Variants in DENND1A observed in about 807,000 individuals in gnomAD.
DENND1A encodes the protein DENN domain containing 1A, also known as DENN domain-containing protein 1A.
In DENND1A, 51 loss-of-function variants were observed where a neutral mutation model predicts 113.7. The ratio of observed to expected loss-of-function variants is 0.45; its 90% confidence interval spans 0.36 to 0.57. DENND1A has a LOEUF of 0.57. Ranked by LOEUF, DENND1A falls within the 20% of genes least tolerant of loss-of-function variation. The probability of loss-of-function intolerance (pLI) is 0.00; values close to 1 mark genes in which losing one functional copy is unlikely to be tolerated. For synonymous variants in DENND1A, 565 were observed against 570.8 expected (o/e 0.99, Z 0.14); for missense variants, 1,258 against 1,395.9 (o/e 0.90, Z 1.57).
At chr9:123,828,974 A>C (rs1443475579) in intron 2 of DENND1A, among the ~76,000 whole-genome samples, 1 of 152,210 alleles carries the variant, frequency 6.6e-6, no homozygotes, top group Non-Finnish European at 1.5e-5. Context: ...ACTGAAATAA[A>C]GAAAAAGTTC....
chr9:123,386,011 C>G (rs2042542682), intron 22 of DENND1A, among the ~76,000 whole-genome samples: 1 of 152,174 alleles, frequency 6.6e-6, no homozygotes, highest in African/African-American at 2.4e-5. Flanking sequence ...AGGTCATGGG[C>G]TAAGGAAGCG....
chr9:123,798,901 A>C (rs1374218997), intron 2 of DENND1A, among the ~76,000 whole-genome samples: 2 of 152,156 alleles, frequency 1.3e-5, no homozygotes, highest in Non-Finnish European at 2.9e-5. Flanking sequence ...AAATTGATAG[A>C]TAATTATAGA....
intron 5 of DENND1A, among the ~76,000 whole-genome samples, chr9:123,707,282 T>C (rs1271897758): frequency 6.6e-6 from 1 of 151,848 alleles, no homozygotes; most frequent in African/African-American, 2.4e-5. Flanking sequence ...TAATCCCAGC[T>C]ACTCGCGAGG....
At chr9:123,851,263 T>C (rs1331037009) in intron 2 of DENND1A, among the ~76,000 whole-genome samples, 1 of 152,254 alleles carries the variant, frequency 6.6e-6, no homozygotes, top group Non-Finnish European at 1.5e-5. Context: ...TAGGCTTTTA[T>C]ATAAATGGAA....
intron 13 of DENND1A, among the ~76,000 whole-genome samples, chr9:123,526,113 C>T (rs2054817307): frequency 6.6e-6 from 1 of 151,986 alleles, no homozygotes; most frequent in Admixed American, 6.6e-5. Context: ...GACCCTTCTC[C>T]CTCTATGCCA....
At chr9:123,916,866 T>A (rs1312434857) in intron 1 of DENND1A, among the ~76,000 whole-genome samples, 1 of 152,068 alleles carries the variant, frequency 6.6e-6, no homozygotes, top group African/African-American at 2.4e-5. Context: ...TAAACAGTAA[T>A]TCCAACAGAT....
chr9:123,680,000 T>C (rs966297041), intron 5 of DENND1A, among the ~76,000 whole-genome samples: 2 of 152,106 alleles, frequency 1.3e-5, no homozygotes, highest in African/African-American at 4.8e-5. Flanking sequence ...AGGGTCCTCC[T>C]GCACTCAAGA....
At chr9:123,662,809 A>G (rs2063310825) in intron 8 of DENND1A, among the ~76,000 whole-genome samples, 1 of 152,202 alleles carries the variant, frequency 6.6e-6, no homozygotes, top group Non-Finnish European at 1.5e-5. Context: ...TAATGTAAAA[A>G]TTTTCTAAAG....
At chr9:123,626,861 G>A (rs2061244741) in intron 10 of DENND1A, among the ~76,000 whole-genome samples, 1 of 152,176 alleles carries the variant, frequency 6.6e-6, no homozygotes, top group African/African-American at 2.4e-5. Context: ...ATGGGTCCCA[G>A]AGAACCCTCA....
At chr9:123,839,494 G>A (rs1241087198) in intron 2 of DENND1A, among the ~76,000 whole-genome samples, 3 of 152,142 alleles carry the variant, frequency 2.0e-5, no homozygotes, top group Admixed American at 1.3e-4. Flanking sequence ...GATGTTAGAT[G>A]GGGCATTCTC....
chr9:123,686,842 C>T (rs1260692985), intron 5 of DENND1A, among the ~76,000 whole-genome samples: 1 of 152,036 alleles, frequency 6.6e-6, no homozygotes, highest in Non-Finnish European at 1.5e-5. Flanking sequence ...CTTATGGTGA[C>T]AATTAAGGAA....
chr9:123,510,149 A>G (rs1209189236), intron 13 of DENND1A, among the ~76,000 whole-genome samples: 1 of 152,210 alleles, frequency 6.6e-6, no homozygotes, highest in Non-Finnish European at 1.5e-5. Context: ...AGCCCAGGAA[A>G]ACACAGTCGC....
intron 10 of DENND1A, among the ~76,000 whole-genome samples, chr9:123,616,209 C>T (rs926537337): frequency 4.6e-5 from 7 of 152,280 alleles, no homozygotes; most frequent in South Asian, 2.1e-4. Context: ...GGATTATGGG[C>T]GTGAGCCACT....
intron 5 of DENND1A, among the ~76,000 whole-genome samples, chr9:123,678,843 T>C (rs2140151278): frequency 6.6e-6 from 1 of 152,350 alleles, no homozygotes; most frequent in East Asian, 1.9e-4. Context: ...TTGCACAGCA[T>C]TTACTTTGGC....
chr9:123,727,117 G>C (rs962379587), intron 5 of DENND1A, among the ~76,000 whole-genome samples: 1 of 152,184 alleles, frequency 6.6e-6, no homozygotes. Context: ...TACTTGGCTA[G>C]TGTGTAAGGT....
intron 2 of DENND1A, among the ~76,000 whole-genome samples, chr9:123,801,338 C>A (rs1156759953): frequency 2.6e-5 from 4 of 152,320 alleles, no homozygotes; most frequent in Middle Eastern, 3.4e-3. Flanking sequence ...CTCCCAGCCC[C>A]TGGCAACCAC....
At chr9:123,731,466 G>T (rs904958108) in intron 5 of DENND1A, among the ~76,000 whole-genome samples, 2 of 152,136 alleles carry the variant, frequency 1.3e-5, no homozygotes, top group Admixed American at 6.5e-5. Flanking sequence ...AGAAAAGATG[G>T]TCTTTTCAAC....
chr9:123,855,765 C>T (rs370381268), intron 2 of DENND1A, among the ~76,000 whole-genome samples: 15 of 152,116 alleles, frequency 9.9e-5, no homozygotes, highest in Non-Finnish European at 1.2e-4. Context: ...TGTCCAGGTG[C>T]GGCGGCTCAC....
intron 13 of DENND1A, among the ~76,000 whole-genome samples, chr9:123,532,922 A>G (rs2055444160): frequency 6.6e-6 from 1 of 152,242 alleles, no homozygotes; most frequent in African/African-American, 2.4e-5. Context: ...AGCATGAATC[A>G]AAGAAGCTGC....
Sources: gnomAD v4.1 joint callset for allele counts (sites outside exome capture counted in the v4.1 genomes callset) on GRCh38, gnomAD v4.1.1 for gene constraint, MANE v1.5 for transcripts, NCBI Gene and HGNC (gene_info 2026-07-23, HGNC 2026-07-21) for gene names.